KCNH2: variants seen among roughly 807,000 people sequenced by gnomAD.
KCNH2 encodes the protein potassium voltage-gated channel subfamily H member 2.
KCNH2 carries 35 observed loss-of-function variants against 95.9 expected under a neutral mutation model. That is an observed-to-expected ratio of 0.37 (90% confidence interval 0.28 to 0.48). The LOEUF (loss-of-function observed/expected upper bound fraction) is 0.48, where lower values mean the gene tolerates loss of function less well. KCNH2 is among the 20% of genes least tolerant of loss of function. KCNH2 has a pLI of 0.99. For synonymous variants in KCNH2, 786 were observed against 754.7 expected (o/e 1.04, Z -0.68); for missense variants, 1,274 against 1,702.9 (o/e 0.75, Z 4.43).
chr7:150,965,719 A>G (rs1801685581), intron 2 of KCNH2, among the ~76,000 whole-genome samples: 1 of 152,218 alleles, frequency 6.6e-6, no homozygotes, highest in African/African-American at 2.4e-5. Flanking sequence ...CTAGAAGGCC[A>G]CTGTACACTG....
At chr7:150,964,813 G>A (rs1372062780) in intron 2 of KCNH2, among the ~76,000 whole-genome samples, 2 of 152,212 alleles carry the variant, frequency 1.3e-5, no homozygotes, top group Non-Finnish European at 2.9e-5. Flanking sequence ...GGCTGTCTCC[G>A]GAGCAGCAGC....
chr7:150,946,611 G>A lies in KCNH2; in HGVS notation c.3330+266C>T, dbSNP rs1025694916. 6.6e-6 allele frequency among the ~76,000 whole-genome samples: 1 copy of A among 152,190 alleles called. No individual in the cohort carries two copies. Among genetic ancestry groups the A allele is most frequent in the African/African-American group, 2.4e-5 (1 of 41,440 alleles). On this transcript the variant is annotated intron_variant, in intron 14 of 14. Coordinates refer to ENST00000262186, the MANE Select transcript of KCNH2 (RefSeq NM_000238.4). This position sits in a 1 kb window ranked among gnomAD's most constrained non-coding sequence, Gnocchi z 6.5. ...TGGCGGTGGAGGCTGTGGACACTAGGGGAGTGAAGCTGCGGGCCACTTAGC... is the reference window on the plus strand; with the variant it reads ...TGGCGGTGGAGGCTGTGGACACTAGAGGAGTGAAGCTGCGGGCCACTTAGC...
chr7:150,952,165 G>A lies in KCNH2; in HGVS notation c.1557+260C>T, dbSNP rs1183471354. On this transcript the variant is annotated intron_variant, in intron 6 of 14. Coordinates refer to ENST00000262186, the MANE Select transcript of KCNH2 (RefSeq NM_000238.4). This position sits in a 1 kb window ranked among gnomAD's most constrained non-coding sequence, Gnocchi z 7.3. ...AAAATAATGGCCCCTTGGGATGGAC[G>A]AATTAGAAAAAAAGGTGTCCTGTGT... Among the ~76,000 whole-genome samples the A allele has an allele frequency of 1.5e-5, 2 of 137,540 alleles. No individual in the cohort carries two copies. Among genetic ancestry groups the A allele is most frequent in the African/African-American group, 2.7e-5 (1 of 36,648 alleles). The allele number at this position is 137,540 out of a possible 152,430, so 90.2% of individuals were successfully genotyped here.
intron 2 of KCNH2, among the ~76,000 whole-genome samples, chr7:150,968,349 T>C (rs1377434181): frequency 6.6e-6 from 1 of 152,136 alleles, no homozygotes; most frequent in Admixed American, 6.5e-5. Context: ...TTGGAGACAT[T>C]GTGGGGTCCC....
Position 150,946,786 on chromosome 7 carries a change from G to A in KCNH2, c.3330+91C>T. 1.6e-6 allele frequency: 2 copies of A among 1,230,704 alleles called. No individual in the cohort carries two copies. The highest frequency in any genetic ancestry group is 2.3e-6 in the Non-Finnish European group (2 of 867,058). The allele number at this position is 1,230,704 out of a possible 1,614,324, so 76.2% of individuals were successfully genotyped here. On this transcript the variant is annotated intron_variant, in intron 14 of 14. Coordinates refer to ENST00000262186, the MANE Select transcript of KCNH2 (RefSeq NM_000238.4). The surrounding 1 kb of genome is among the most constrained non-coding windows in gnomAD (Gnocchi z 6.5). ...CAAGGTTCAGGGAGGCTGGGCCACA[G>A]AGCCCAGCAGAAAGGCAGCAAAGCA...
chr7:150,957,818 C>T (rs1469873164), intron 4 of KCNH2, among the ~76,000 whole-genome samples: 7 of 152,222 alleles, frequency 4.6e-5, no homozygotes, highest in African/African-American at 1.2e-4. Flanking sequence ...CAGGCCGTCC[C>T]GGGACAGCCA....
intron 2 of KCNH2, among the ~76,000 whole-genome samples, chr7:150,971,178 G>C (rs1393649775): frequency 6.6e-6 from 1 of 152,224 alleles, no homozygotes; most frequent in African/African-American, 2.4e-5. Context: ...GCCCAGAGGA[G>C]TGGGGCTGAT....
In KCNH2 at chr7:150,948,430, C is replaced by G; in HGVS notation, c.2692+14G>C. The G allele has an allele frequency of 6.5e-7, 1 of 1,542,056 alleles. No homozygotes were observed. Among genetic ancestry groups the G allele is most frequent in the Non-Finnish European group, 8.9e-7 (1 of 1,125,006 alleles). ...TGTCCCCGCCCTCCCCCTTCCTCCC[C>G]TCCCCCGCCTCACCCTTGTCCGTGC... is the stretch of plus-strand genomic sequence containing the variant. On this transcript the variant is annotated intron_variant, in intron 11 of 14. Coordinates refer to ENST00000262186, the MANE Select transcript of KCNH2 (RefSeq NM_000238.4).
chr7:150,971,594 A>C (rs1012155998), intron 2 of KCNH2, among the ~76,000 whole-genome samples: 5 of 151,822 alleles, frequency 3.3e-5, no homozygotes, highest in African/African-American at 9.7e-5. Context: ...GGGGTGGGGG[A>C]CAATGGGAGA....
chr7:150,949,429 T>TC, intron 9 of KCNH2: 1 of 1,018,032 alleles, frequency 9.8e-7, no homozygotes, highest in Non-Finnish European at 1.2e-6. Flanking sequence ...TTTTTTTTTT[T>TC]TTTTACTGAA....
chr7:150,970,642 G>A (rs1456771772), intron 2 of KCNH2, among the ~76,000 whole-genome samples: 2 of 152,104 alleles, frequency 1.3e-5, no homozygotes, highest in Non-Finnish European at 2.9e-5. Context: ...GGTGCTGCAG[G>A]GCAAGAGGCA....
rs1801564831 is a variant in KCNH2, at chr7:150,961,445, A to C, written c.308-1709T>G. Among the ~76,000 whole-genome samples the C allele has an allele frequency of 6.6e-6, 1 of 152,106 alleles. No individual in the cohort carries two copies. The highest frequency in any genetic ancestry group is 2.4e-5 in the African/African-American group (1 of 41,418). Reference sequence around the variant, plus strand: ...CCCAAGTAGCTGGGACTACAGCTGCATGCTACCACACCCAGCTAACTTTTG... The same window carrying C: ...CCCAAGTAGCTGGGACTACAGCTGCCTGCTACCACACCCAGCTAACTTTTG... On this transcript the variant is annotated intron_variant, in intron 2 of 14. Coordinates refer to ENST00000262186, the MANE Select transcript of KCNH2 (RefSeq NM_000238.4). The surrounding 1 kb of genome is among the most constrained non-coding windows in gnomAD (Gnocchi z 6.2).
Position 150,947,394 on chromosome 7 carries a change from C to A in KCNH2, c.3086G>T (p.Ser1029Ile). 6.5e-7 allele frequency: 1 copy of A among 1,548,870 alleles called. No individual in the cohort carries two copies. The highest frequency in any genetic ancestry group is 8.7e-7 in the Non-Finnish European group (1 of 1,146,568). Residue 1029 changes from serine to isoleucine, a missense_variant, in exon 13 of 15, where the codon AGC becomes ATC. Around this residue, in one of 7 missense-constraint regions of KCNH2, gnomAD observed 457 missense variants for 416.1 expected, o/e 1.10. Transcript: ENST00000262186. ...GTCGCCCCGGGGCCGCCGACCCGGG[C>A]TGGAGAGGGGGATGTTGAGGAGGCT... ...TPSLLNIPLSSPGRRPRGDVE... is the reference protein window; with the variant it reads ...TPSLLNIPLSIPGRRPRGDVE...
At position 150,962,670 on chromosome 7, in the gene KCNH2, TCTTC is replaced by T. The variant is rs1801600322; in HGVS notation, c.308-2938_308-2935del. Reference sequence around the variant, plus strand: ...GAGAGAGAGGAGTGACTGCTGGCCCTCTTCCTTTGTCGAGATTCAAGAAATTTTT... The same window carrying T: ...GAGAGAGAGGAGTGACTGCTGGCCCTCTTTGTCGAGATTCAAGAAATTTTT... On this transcript the variant is annotated intron_variant, in intron 2 of 14. Transcript: ENST00000262186. This position sits in a 1 kb window ranked among gnomAD's most constrained non-coding sequence, Gnocchi z 5.7. Among the ~76,000 whole-genome samples the T allele has an allele frequency of 7.8e-6, 1 of 127,564 alleles. No homozygotes were observed. Among genetic ancestry groups the T allele is most frequent in the Non-Finnish European group, 1.8e-5 (1 of 54,702 alleles). 83.7% of individuals were successfully genotyped at this position (127,564 alleles called of 152,430 possible). A position where few individuals can be genotyped will look rare whatever the true frequency, so the allele number is the denominator to read the frequency against.
chr7:150,976,739 C>A (rs994690628), intron 1 of KCNH2, among the ~76,000 whole-genome samples: 8 of 151,304 alleles, frequency 5.3e-5, no homozygotes, highest in Non-Finnish European at 1.0e-4. Context: ...CACCCCCCCC[C>A]ACATCCATCC....
At chr7:150,976,930 C>T (rs545384600) in intron 1 of KCNH2, among the ~76,000 whole-genome samples, 1 of 152,228 alleles carries the variant, frequency 6.6e-6, no homozygotes, top group African/African-American at 2.4e-5. Flanking sequence ...CACGCGTTGT[C>T]CTGTGCTCAC....
chr7:150,947,441 A>G lies in KCNH2; in HGVS notation c.3039T>C (p.Pro1013=), dbSNP rs1800945240. 1 of 1,562,678 alleles carries G rather than the reference A, an allele frequency of 6.4e-7. No individual in the cohort carries two copies. The highest frequency in any genetic ancestry group is 8.7e-7 in the Non-Finnish European group (1 of 1,153,868). Residue 1013 remains proline, a synonymous_variant, in exon 13 of 15, where the codon CCT becomes CCC. Transcript: ENST00000262186. ...GGCTGGGGGTGGGGGCGGGGCATCG[A>G]GGGAGCTCCTGGTACTGGCGGCCCC... ...DSRGRQYQEL[P]RCPAPTPSLL...
At position 150,946,282 on chromosome 7, in the gene KCNH2, T is replaced by C. The variant is rs1800885000; in HGVS notation, c.3330+595A>G. 1.3e-5 allele frequency among the ~76,000 whole-genome samples: 2 copies of C among 152,092 alleles called. No homozygotes were observed. Among genetic ancestry groups the C allele is most frequent in the Admixed American group, 1.3e-4 (2 of 15,280 alleles). On this transcript the variant is annotated intron_variant, in intron 14 of 14. Transcript: ENST00000262186. This position sits in a 1 kb window ranked among gnomAD's most constrained non-coding sequence, Gnocchi z 6.5. ...GAGGACAAGGGGCAACTAAGGCCCATCTCTAGCAGAGGGGGCAAAGCAGGC... is the reference window on the plus strand; with the variant it reads ...GAGGACAAGGGGCAACTAAGGCCCACCTCTAGCAGAGGGGGCAAAGCAGGC...
rs1292657488 is a variant in KCNH2, at chr7:150,952,614, G to A, written c.1368C>T (p.Asp456=). The change falls in exon 6 of 15, where the codon GAC becomes GAT. Residue 456 remains aspartate, a synonymous_variant. Coordinates refer to ENST00000262186, the MANE Select transcript of KCNH2 (RefSeq NM_000238.4). This position sits in a 1 kb window ranked among gnomAD's most constrained non-coding sequence, Gnocchi z 7.3. ...GYACQPLAVV[D]LIVDIMFIVD... ...CAATGAACATGATGTCCACGATGAGGTCCACCACAGCCAGCGGCTGGCAGG... is the reference window on the plus strand; with the variant it reads ...CAATGAACATGATGTCCACGATGAGATCCACCACAGCCAGCGGCTGGCAGG... 1.2e-6 allele frequency: 2 copies of A among 1,614,182 alleles called. No homozygotes were observed. Among genetic ancestry groups the A allele is most frequent in the Middle Eastern group, 1.6e-4 (1 of 6,062 alleles).
Sources: gnomAD v4.1 joint callset for allele counts (sites outside exome capture counted in the v4.1 genomes callset) on GRCh38, gnomAD v4.1.1 for gene constraint, gnomAD v4.1.1 regional missense constraint, Gnocchi (gnomAD v3.1) non-coding constraint, MANE v1.5 for transcripts, NCBI Gene and HGNC (gene_info 2026-07-23, HGNC 2026-07-21) for gene names.